The following MAD1L1 variants were observed in gnomAD, a reference collection of about 807,000 sequenced individuals.
The protein encoded by MAD1L1 is mitotic spindle assembly checkpoint protein MAD1.
MAD1L1 carries 95 observed loss-of-function variants against 96.9 expected under a neutral mutation model. That is an observed-to-expected ratio of 0.98 (90% CI 0.83 to 1.16). The LOEUF is 1.16. Among genes scored for constraint, MAD1L1 ranks in the 50% most tolerant of loss-of-function variants. MAD1L1 has a pLI of 0.00. For missense variants in MAD1L1, 1,007 were observed against 954.4 expected (o/e 1.06, Z -0.73); for synonymous variants, 473 against 396.6 (o/e 1.19, Z -2.29).
At chr7:2,158,455 G>A (rs1443091850) in intron 10 of MAD1L1, among the ~76,000 whole-genome samples, 1 of 152,236 alleles carries the variant, frequency 6.6e-6, no homozygotes. Context: ...ACAGGGCCTA[G>A]GACCACAGTC....
At chr7:1,971,693 C>T (rs1780414878) in intron 15 of MAD1L1, among the ~76,000 whole-genome samples, 1 of 151,836 alleles carries the variant, frequency 6.6e-6, no homozygotes, top group African/African-American at 2.4e-5. Flanking sequence ...TACCTGAAGA[C>T]AAAGAAAAGA....
intron 18 of MAD1L1, among the ~76,000 whole-genome samples, chr7:1,891,638 C>T (rs1469179671): frequency 6.6e-6 from 1 of 152,078 alleles, no homozygotes; most frequent in Admixed American, 6.6e-5. Flanking sequence ...AGTGCGGTGG[C>T]GCGATCATAG....
At chr7:1,907,285 G>C (rs1787719180) in intron 17 of MAD1L1, among the ~76,000 whole-genome samples, 1 of 152,200 alleles carries the variant, frequency 6.6e-6, no homozygotes, top group African/African-American at 2.4e-5. Flanking sequence ...GCCCTGCACA[G>C]CTGCCACCGA....
At chr7:2,113,933 C>T (rs942714589) in intron 11 of MAD1L1, among the ~76,000 whole-genome samples, 1 of 152,204 alleles carries the variant, frequency 6.6e-6, no homozygotes, top group African/African-American at 2.4e-5. Flanking sequence ...TCTCTCCTGT[C>T]CCAGAGTGCA....
intron 18 of MAD1L1, among the ~76,000 whole-genome samples, chr7:1,824,091 G>C (rs1263366283): frequency 1.3e-5 from 2 of 152,146 alleles, no homozygotes; most frequent in Non-Finnish European, 2.9e-5. Flanking sequence ...CCTGGGCCTA[G>C]GCACTGCAGG....
At chr7:1,819,059 G>C (rs1247301531) in intron 18 of MAD1L1, among the ~76,000 whole-genome samples, 1 of 152,078 alleles carries the variant, frequency 6.6e-6, no homozygotes, top group East Asian at 1.9e-4. Context: ...CTAACGCTCC[G>C]GCATTAGCAG....
At chr7:2,031,531 C>A (rs186938825) in intron 12 of MAD1L1, among the ~76,000 whole-genome samples, 1 of 152,330 alleles carries the variant, frequency 6.6e-6, no homozygotes, top group African/African-American at 2.4e-5. Context: ...CATTTGTGTT[C>A]GCTGTATAAA....
At chr7:2,008,693 C>T (rs1782146794) in intron 13 of MAD1L1, among the ~76,000 whole-genome samples, 1 of 152,150 alleles carries the variant, frequency 6.6e-6, no homozygotes, top group Admixed American at 6.5e-5. Context: ...GGGCTGGGTG[C>T]AGACACACAG....
At chr7:1,877,621 A>T (rs923991085) in intron 18 of MAD1L1, among the ~76,000 whole-genome samples, 2 of 152,244 alleles carry the variant, frequency 1.3e-5, no homozygotes, top group African/African-American at 2.4e-5. Flanking sequence ...GCAAGATTCA[A>T]TTAGATGTTA....
Position 2,215,841 on chromosome 7 carries a change from G to A in MAD1L1, c.924+44C>T, listed in dbSNP as rs780521411. On this transcript the variant is annotated intron_variant, in intron 9 of 18. Coordinates refer to ENST00000265854, the MANE Select transcript of MAD1L1 (RefSeq NM_001013836.2). ...ACAATACCGAGGCTCCTCCAGGCAGGGCAGAGGACACCCACAGGAACCGCA... is the reference window on the plus strand; with the variant it reads ...ACAATACCGAGGCTCCTCCAGGCAGAGCAGAGGACACCCACAGGAACCGCA... The A allele has an allele frequency of 3.8e-6, 6 of 1,564,670 alleles. No homozygotes were observed. The Admixed American group carries it at 1.0e-4, about 26-fold the overall frequency.
intron 12 of MAD1L1, among the ~76,000 whole-genome samples, chr7:2,064,500 C>T (rs550508756): frequency 6.6e-6 from 1 of 152,358 alleles, no homozygotes; most frequent in African/African-American, 2.4e-5. Context: ...GCCTCTGGGC[C>T]AGGAACATAG....
At chr7:2,217,815 G>A (rs1793372428) in intron 7 of MAD1L1, 147 bp downstream of exon 7, 2 of 691,536 alleles carry the variant, frequency 2.9e-6, no homozygotes, top group Non-Finnish European at 5.2e-6. Flanking sequence ...CATCCCTGGT[G>A]CCCAGCACAG....
rs1789306325 is a variant in MAD1L1 at position 2,146,422 on chromosome 7, G to A, written c.1073+2730C>T. Among the ~76,000 whole-genome samples, 1 of 152,154 alleles carries A rather than the reference G, an allele frequency of 6.6e-6. No homozygotes were observed. The highest frequency in any genetic ancestry group is 2.4e-5 in the African/African-American group (1 of 41,424). On this transcript the variant is annotated intron_variant, in intron 11 of 18. Coordinates refer to ENST00000265854, the MANE Select transcript of MAD1L1 (RefSeq NM_001013836.2). The surrounding 1 kb of genome is among the most constrained non-coding windows in gnomAD (Gnocchi z 6.2). The stretch of plus-strand genomic sequence containing the variant: ...CCGGGCACTGGGCTACGAGGAACAG[G>A]GCAGTGGAGCCGCACCCTGAGAAGC...
chr7:1,887,815 G>A (rs1305542844), intron 18 of MAD1L1, among the ~76,000 whole-genome samples: 1 of 82,660 alleles, frequency 1.2e-5, no homozygotes, highest in African/African-American at 5.3e-5. Flanking sequence ...GCCTGTGTGT[G>A]TGTGCATGTG....
intron 11 of MAD1L1, among the ~76,000 whole-genome samples, chr7:2,110,811 A>G (rs922721926): frequency 2.6e-5 from 4 of 152,172 alleles, no homozygotes; most frequent in Admixed American, 6.5e-5. Context: ...GTGCACGCCC[A>G]TAAGAAGCGC....
intron 18 of MAD1L1, among the ~76,000 whole-genome samples, chr7:1,885,978 C>T (rs939704704): frequency 2.6e-5 from 4 of 152,256 alleles, no homozygotes; most frequent in Non-Finnish European, 4.4e-5. Context: ...AGCAGCTCTG[C>T]CTCCTCTCCT....
intron 10 of MAD1L1, among the ~76,000 whole-genome samples, chr7:2,172,298 G>A (rs1333253798): frequency 6.6e-6 from 1 of 152,066 alleles, no homozygotes; most frequent in African/African-American, 2.4e-5. Flanking sequence ...GGCTCGGGTG[G>A]GACGTGTCTG....
intron 17 of MAD1L1, among the ~76,000 whole-genome samples, chr7:1,922,821 AT>A (rs1562527142): frequency 6.6e-6 from 1 of 152,212 alleles, no homozygotes; most frequent in Non-Finnish European, 1.5e-5. Context: ...GAGTTTCCCC[AT>A]GAACGTGTGT....
rs1780287228 is a variant in MAD1L1, at chr7:1,968,885, T to C, written c.1506-11166A>G. Among the ~76,000 whole-genome samples, 1 of 152,224 alleles carries C rather than the reference T, an allele frequency of 6.6e-6. No individual in the cohort carries two copies. Among genetic ancestry groups the C allele is most frequent in the South Asian group, 2.1e-4 (1 of 4,830 alleles). On this transcript the variant is annotated intron_variant, in intron 15 of 18. Coordinates refer to ENST00000265854, the MANE Select transcript of MAD1L1 (RefSeq NM_001013836.2). This position sits in a 1 kb window ranked among gnomAD's most constrained non-coding sequence, Gnocchi z 5.6. ...GACGACTAAAATCAACACGGTGCCC[T>C]GGCTGCAACATGCAGGAAAGCCTGG...
Sources: gnomAD v4.1 joint callset for allele counts (sites outside exome capture counted in the v4.1 genomes callset) on GRCh38, gnomAD v4.1.1 for gene constraint, Gnocchi (gnomAD v3.1) non-coding constraint, MANE v1.5 for transcripts, NCBI Gene and HGNC (gene_info 2026-07-23, HGNC 2026-07-21) for gene names.